Variants in CILK1 observed in about 807,000 individuals in gnomAD.
CILK1 encodes the protein serine/threonine-protein kinase ICK.
CILK1 carries 47 observed loss-of-function variants against 79.2 expected under a neutral mutation model. The observed-to-expected ratio is 0.59, with a 90% CI of 0.47 to 0.76. The LOEUF (loss-of-function observed/expected upper bound fraction) is 0.76. Ranked by LOEUF, CILK1 falls within the 30% of genes least tolerant of loss-of-function variation. CILK1 has a pLI of 0.00. For synonymous variants in CILK1, 266 were observed against 275.9 expected (o/e 0.96, Z 0.36); for missense variants, 660 against 769.5 (o/e 0.86, Z 1.68).
chr6:53,024,360 T>C (rs1480383234), intron 5 of CILK1, among the ~76,000 whole-genome samples: 1 of 152,204 alleles, frequency 6.6e-6, no homozygotes, highest in Non-Finnish European at 1.5e-5. Flanking sequence ...AGATTTCTGA[T>C]ATGGACACAT....
At position 53,005,376 on chromosome 6, in the gene CILK1, G is replaced by C. The variant is rs2039214; in HGVS notation, c.1745-73C>G. On this transcript the variant is annotated intron_variant, in intron 13 of 13. Transcript: ENST00000676107. ...AGCAAAGTACAAATAAATGCATTTT[G>C]GTGACAAAAACATGAGAAAATAAGG... 4.7e-3 allele frequency: 7,241 copies of C among 1,529,926 alleles called. 284 individuals are homozygous for C. In the African/African-American group the frequency reaches 0.086, roughly 18 times the overall value. The allele number at this position is 1,529,926 out of a possible 1,614,324, so 94.8% of individuals were successfully genotyped here.
At position 53,013,809 on chromosome 6, in the gene CILK1, T is replaced by A. The variant is rs1380408678; in HGVS notation, c.1005A>T (p.Ser335=). The A allele has an allele frequency of 1.9e-5, 31 of 1,613,798 alleles. No individual in the cohort carries two copies. The highest frequency in any genetic ancestry group is 2.5e-5 in the Non-Finnish European group (30 of 1,179,836). Residue 335 remains serine, a synonymous_variant, in exon 9 of 14, where the codon TCA becomes TCT. Transcript: ENST00000676107. Reference sequence around the variant, plus strand: ...GGGGCTGGCTGGCTTGATGCTGTCGTGAAGAAATTCGTGTGTGTGGCTTGG... The same window carrying A: ...GGGGCTGGCTGGCTTGATGCTGTCGAGAAGAAATTCGTGTGTGTGGCTTGG... ...PPAKPHTRIS[S]RQHQASQPPL... is the part of the protein sequence containing the mutation.
Position 53,005,002 on chromosome 6 carries a change from A to C in CILK1, c.*147T>G. 2 of 874,834 alleles carry C rather than the reference A, an allele frequency of 2.3e-6. No homozygotes were observed. Among genetic ancestry groups the C allele is most frequent in the Non-Finnish European group, 3.6e-6 (2 of 561,672 alleles). The allele number at this position is 874,834 out of a possible 1,614,324, so 54.2% of individuals were successfully genotyped here. A position where few individuals can be genotyped will look rare whatever the true frequency, so the allele number is the denominator to read the frequency against. ...TTTTAAAAAAAAACTTTAAAAAAGA[A>C]TATTGACATGTCTTAGTTCAGAAGA... On this transcript the variant is annotated 3_prime_UTR_variant, in exon 14 of 14. Coordinates refer to ENST00000676107, the MANE Select transcript of CILK1 (RefSeq NM_014920.5).
At chr6:53,048,952 T>C (rs1257600117) in intron 1 of CILK1, among the ~76,000 whole-genome samples, 1 of 152,204 alleles carries the variant, frequency 6.6e-6, no homozygotes, top group Non-Finnish European at 1.5e-5. Flanking sequence ...ATAAAGACAG[T>C]TGACAAAGAA....
intron 1 of CILK1, among the ~76,000 whole-genome samples, chr6:53,057,272 A>T (rs1394379857): frequency 2.0e-5 from 3 of 152,212 alleles, no homozygotes; most frequent in Non-Finnish European, 4.4e-5. Context: ...TGCTTCACCT[A>T]TAGAAAGGTA....
rs201964851 is a variant in CILK1, at chr6:53,013,696, AGCAACGGGCTTG to A, written c.1106_1117del (p.Pro369_Leu372del). ...ATGCTTGTTGTGGAGGGATGGGAAA[AGCAACGGGCTTG>A]GCTTGTCCTCCTGGAGATGGCTTGG... On this transcript the variant is annotated inframe_deletion, in exon 9 of 14. Transcript: ENST00000676107. 14,786 of 1,613,580 alleles carry A rather than the reference AGCAACGGGCTTG, an allele frequency of 9.2e-3. 100 individuals carry two copies. Among genetic ancestry groups the A allele is most frequent in the Non-Finnish European group, 0.011 (12,769 of 1,179,474 alleles).
At chr6:53,044,854 C>T (rs1199456399) in intron 1 of CILK1, among the ~76,000 whole-genome samples, 2 of 152,064 alleles carry the variant, frequency 1.3e-5, no homozygotes, top group Non-Finnish European at 2.9e-5. Flanking sequence ...GGAAGACAGC[C>T]CTCACCAGAA....
chr6:53,009,057 CAGA>C (rs1273039978), intron 12 of CILK1, among the ~76,000 whole-genome samples: 1 of 152,208 alleles, frequency 6.6e-6, no homozygotes, highest in Non-Finnish European at 1.5e-5. Context: ...GCTGGGTCAT[CAGA>C]AGGAGGGGAC....
At chr6:53,043,442 T>C (rs1168493915) in intron 1 of CILK1, among the ~76,000 whole-genome samples, 2 of 152,158 alleles carry the variant, frequency 1.3e-5, no homozygotes, top group African/African-American at 2.4e-5. Context: ...TTTACCATGC[T>C]TTATCACAGA....
intron 11 of CILK1, among the ~76,000 whole-genome samples, chr6:53,010,041 A>G (rs1057492274): frequency 6.6e-6 from 1 of 152,124 alleles, no homozygotes; most frequent in African/African-American, 2.4e-5. Flanking sequence ...TCAGAACTGA[A>G]AGTTTAAATT....
intron 1 of CILK1, among the ~76,000 whole-genome samples, chr6:53,050,836 AT>A (rs1040450667): frequency 2.0e-5 from 3 of 152,006 alleles, no homozygotes; most frequent in Admixed American, 6.6e-5. Context: ...TCAAAAAAAA[AT>A]TTTTTTTAAT....
chr6:53,035,380 T>C (rs1483600455), intron 3 of CILK1, among the ~76,000 whole-genome samples: 2 of 151,806 alleles, frequency 1.3e-5, no homozygotes, highest in African/African-American at 2.4e-5. Context: ...AACCTACAGA[T>C]ATAAAAAATT....
chr6:53,013,566 A>G, intron 9 of CILK1, 96 bp downstream of exon 9: 1 of 1,145,852 alleles, frequency 8.7e-7, no homozygotes. Context: ...CCATAACTGG[A>G]CCCTGTATAC....
intron 2 of CILK1, 40 bp from the exon 3 acceptor site, chr6:53,038,033 A>C: frequency 2.2e-6 from 3 of 1,350,958 alleles, no homozygotes; most frequent in Non-Finnish European, 2.1e-6. Context: ...ACTTATTCTC[A>C]GTAATAGGTT....
intron 1 of CILK1, among the ~76,000 whole-genome samples, chr6:53,049,397 C>T (rs1266345729): frequency 6.6e-6 from 1 of 152,210 alleles, no homozygotes; most frequent in African/African-American, 2.4e-5. Context: ...GCCTAATGTT[C>T]ATTTGCTTTC....
chr6:53,030,594 T>C (rs1231524230), intron 5 of CILK1, among the ~76,000 whole-genome samples: 3 of 152,222 alleles, frequency 2.0e-5, no homozygotes, highest in African/African-American at 7.2e-5. Context: ...TTTGTCTCTT[T>C]TTTTAGTTTG....
At position 53,003,924 on chromosome 6, in the gene CILK1, A is replaced by C. The variant is rs1266086249; in HGVS notation, c.*1225T>G. 1 of 152,582 alleles carries C rather than the reference A, an allele frequency of 6.6e-6. No individual in the cohort carries two copies. Among genetic ancestry groups the C allele is most frequent in the African/African-American group, 2.4e-5 (1 of 41,422 alleles). The allele number at this position is 152,582 out of a possible 1,614,324, so 9.5% of individuals were successfully genotyped here. A position where few individuals can be genotyped will look rare whatever the true frequency, so the allele number is the denominator to read the frequency against. On this transcript the variant is annotated 3_prime_UTR_variant, in exon 14 of 14. Transcript: ENST00000676107. Reference sequence around the variant, plus strand: ...AATGTACCATATAGAGATGGATGAGACTGGACCTTTTGTCTTTTTCTGTCT... The same window carrying C: ...AATGTACCATATAGAGATGGATGAGCCTGGACCTTTTGTCTTTTTCTGTCT...
Position 53,005,116 on chromosome 6 carries a change from C to T in CILK1, c.*33G>A, listed in dbSNP as rs1764139883. The stretch of plus-strand genomic sequence containing the variant: ...AGCTGAGGGAAAGTATCCTGCTTCT[C>T]CCTAGGAAGAGATTCATCACCAAGG... On this transcript the variant is annotated 3_prime_UTR_variant, in exon 14 of 14. Transcript: ENST00000676107. 2 of 1,613,142 alleles carry T rather than the reference C, an allele frequency of 1.2e-6. No individual in the cohort carries two copies. The highest frequency in any genetic ancestry group is 1.7e-6 in the Non-Finnish European group (2 of 1,179,626).
At chr6:53,046,982 C>T (rs962635654) in intron 1 of CILK1, among the ~76,000 whole-genome samples, 49 of 152,228 alleles carry the variant, frequency 3.2e-4, no homozygotes, top group Middle Eastern at 3.4e-3. Flanking sequence ...AAAATGTTGG[C>T]GAATACAAGA....
Sources: allele counts gnomAD v4.1 joint callset (sites outside exome capture counted in the v4.1 genomes callset), GRCh38; gene constraint gnomAD v4.1.1; transcripts MANE v1.5; gene names NCBI Gene and HGNC (gene_info 2026-07-23, HGNC 2026-07-21).